ADGRL3: variants seen among roughly 807,000 people sequenced by gnomAD.
The protein encoded by ADGRL3 is calcium-independent alpha-latrotoxin receptor 3.
Under a neutral mutation model 153.5 loss-of-function variants are expected in ADGRL3, and 62 were observed. The ratio of observed to expected loss-of-function variants is 0.40; its 90% CI spans 0.33 to 0.50. The LOEUF is 0.50. Among genes scored for constraint, ADGRL3 ranks in the 20% least tolerant of loss-of-function variants. The pLI, the probability that ADGRL3 is intolerant of heterozygous loss-of-function variation, is 0.47. For missense variants in ADGRL3, 1,641 were observed against 1,859.4 expected, an observed-to-expected ratio of 0.88 and a Z score of 2.16; for synonymous variants, 710 against 672.5, an observed-to-expected ratio of 1.06 and a Z score of -0.86.
At chr4:61,537,393 T>A (rs1034851639) in intron 4 of ADGRL3, among the ~76,000 whole-genome samples, 1 of 152,114 alleles carries the variant, frequency 6.6e-6, no homozygotes, top group Non-Finnish European at 1.5e-5. Flanking sequence ...TTGCAAGTGT[T>A]AATTTACTGT....
chr4:61,585,083 G>A (rs1462214591), intron 4 of ADGRL3, among the ~76,000 whole-genome samples: 2 of 151,902 alleles, frequency 1.3e-5, no homozygotes, highest in African/African-American at 4.8e-5. Context: ...CTTTAATTGT[G>A]CTAACTCTCT....
intron 2 of ADGRL3, among the ~76,000 whole-genome samples, chr4:61,405,526 A>C (rs2152190594): frequency 6.6e-6 from 1 of 152,092 alleles, no homozygotes; most frequent in African/African-American, 2.4e-5. Context: ...CATTAAGCCT[A>C]ATGGAATACC....
intron 2 of ADGRL3, among the ~76,000 whole-genome samples, chr4:61,493,181 A>G (rs1045149943): frequency 9.9e-5 from 15 of 152,198 alleles, no homozygotes; most frequent in Non-Finnish European, 1.8e-4. Flanking sequence ...AGTTTATTAT[A>G]TATATCCTCT....
At chr4:62,045,143 C>T (rs180678596) in intron 25 of ADGRL3, among the ~76,000 whole-genome samples, 8 of 151,984 alleles carry the variant, frequency 5.3e-5, no homozygotes, top group African/African-American at 1.2e-4. Context: ...GAAGAAATGA[C>T]GTTCCCTTAA....
rs201096063 is a variant in ADGRL3, at chr4:61,759,698, G to C, written c.1399+26144G>C. Among the ~76,000 whole-genome samples the C allele has an allele frequency of 6.6e-4, 101 of 152,264 alleles. No homozygotes were observed. The East Asian group carries it at 0.014, about 20-fold the overall frequency. On this transcript the variant is annotated intron_variant, in intron 8 of 26. Coordinates refer to ENST00000683033, the MANE Select transcript of ADGRL3 (RefSeq NM_001387552.1). ...TCAAAGCCATTCTCCGTCCAGCTTTGTTCCATTGCTGGTGAGGAGCTGCGT... is the reference window on the plus strand; with the variant it reads ...TCAAAGCCATTCTCCGTCCAGCTTTCTTCCATTGCTGGTGAGGAGCTGCGT...
chr4:61,759,579 T>A (rs2152154206), intron 8 of ADGRL3, among the ~76,000 whole-genome samples: 1 of 152,300 alleles, frequency 6.6e-6, no homozygotes, highest in Middle Eastern at 3.4e-3. Context: ...CGTCTAATTT[T>A]TTTTCAAGGT....
intron 8 of ADGRL3, among the ~76,000 whole-genome samples, chr4:61,798,999 GTATATATATATATATATATATATATA>G (rs34782885): frequency 6.2e-5 from 5 of 80,758 alleles, no homozygotes; most frequent in South Asian, 4.7e-4. Context: ...TATATAAACA[GTATATATATATATATATATATATATA>G]TATATATATA....
chr4:61,613,372 ATG>A (rs1387190530), intron 5 of ADGRL3, among the ~76,000 whole-genome samples: 1 of 152,220 alleles, frequency 6.6e-6, no homozygotes, highest in Non-Finnish European at 1.5e-5. Flanking sequence ...TATTTAAGAC[ATG>A]GTCATGAAAT....
intron 2 of ADGRL3, among the ~76,000 whole-genome samples, chr4:61,448,140 A>G (rs1381753423): frequency 6.6e-6 from 1 of 152,214 alleles, no homozygotes; most frequent in East Asian, 1.9e-4. Context: ...TGCACAGAGT[A>G]GTAATACATA....
intron 2 of ADGRL3, among the ~76,000 whole-genome samples, chr4:61,441,839 C>T (rs1002142537): frequency 4.6e-5 from 7 of 151,974 alleles, no homozygotes; most frequent in South Asian, 2.1e-4. Context: ...TAATATGGTT[C>T]GAGATGATGT....
chr4:61,762,775 T>C (rs1383413061), intron 8 of ADGRL3, among the ~76,000 whole-genome samples: 3 of 152,196 alleles, frequency 2.0e-5, no homozygotes, highest in Non-Finnish European at 4.4e-5. Context: ...GAGAAATCTC[T>C]TATTTTTTAA....
intron 1 of ADGRL3, among the ~76,000 whole-genome samples, chr4:61,338,247 G>GGAGT (rs1260824343): frequency 6.6e-6 from 1 of 151,642 alleles, no homozygotes; most frequent in East Asian, 1.9e-4. Flanking sequence ...CTCCAGCCTG[G>GGAGT]GAGTGATAAG....
chr4:61,875,188 C>T (rs544540952), intron 9 of ADGRL3, among the ~76,000 whole-genome samples: 3 of 152,184 alleles, frequency 2.0e-5, no homozygotes, highest in African/African-American at 7.2e-5. Flanking sequence ...CACTTTGTCA[C>T]TCTTCTTTCT....
chr4:61,344,842 A>G (rs1482906904), intron 1 of ADGRL3, among the ~76,000 whole-genome samples: 5 of 151,888 alleles, frequency 3.3e-5, no homozygotes, highest in African/African-American at 1.2e-4. Flanking sequence ...GCTGGAGTGC[A>G]ATGGTGTGAT....
intron 1 of ADGRL3, among the ~76,000 whole-genome samples, chr4:61,204,955 C>T (rs1006553727): frequency 1.3e-5 from 2 of 152,246 alleles, no homozygotes; most frequent in African/African-American, 2.4e-5. Flanking sequence ...ATCTTCTTAA[C>T]ATTTTGCAGA....
chr4:61,250,961 A>G (rs1246788028), intron 1 of ADGRL3, among the ~76,000 whole-genome samples: 2 of 152,218 alleles, frequency 1.3e-5, no homozygotes, highest in Non-Finnish European at 2.9e-5. Context: ...TTATTTTATT[A>G]CTACCGTTTC....
intron 8 of ADGRL3, among the ~76,000 whole-genome samples, chr4:61,796,809 T>C (rs763480419): frequency 3.4e-4 from 52 of 152,106 alleles, no homozygotes; most frequent in Non-Finnish European, 6.8e-4. Flanking sequence ...TGAATCTAAC[T>C]GTAAAGGAGT....
At chr4:61,890,925 TTAAAAC>T (rs2098577298) in intron 9 of ADGRL3, among the ~76,000 whole-genome samples, 1 of 152,146 alleles carries the variant, frequency 6.6e-6, no homozygotes, top group African/African-American at 2.4e-5. Context: ...TGTTTTCTTT[TTAAAAC>T]ATTTGATTTA....
intron 1 of ADGRL3, among the ~76,000 whole-genome samples, chr4:61,380,156 T>C (rs536729877): frequency 1.1e-4 from 17 of 150,258 alleles, no homozygotes; most frequent in Middle Eastern, 3.5e-3. Flanking sequence ...TAAAAATGTG[T>C]GTATGTATAT....
Sources: allele counts gnomAD v4.1 joint callset (sites outside exome capture counted in the v4.1 genomes callset), GRCh38; gene constraint gnomAD v4.1.1; transcripts MANE v1.5; gene names NCBI Gene and HGNC (gene_info 2026-07-23, HGNC 2026-07-21).